The following NAB1 variants were observed in gnomAD, a reference collection of about 807,000 sequenced individuals.
NAB1 encodes the protein NGFI-A binding protein 1.
Under a neutral mutation model 49.9 loss-of-function variants are expected in NAB1, and 25 were observed. The observed-to-expected ratio is 0.50, with a 90% CI of 0.37 to 0.70. NAB1 has a LOEUF of 0.70. Among genes scored for constraint, NAB1 ranks in the 30% least tolerant of loss-of-function variants. NAB1 has a pLI of 0.00. For synonymous variants in NAB1, 198 were observed against 215.6 expected, an observed-to-expected ratio of 0.92 and a Z score of 0.71; for missense variants, 489 against 575.9, an observed-to-expected ratio of 0.85 and a Z score of 1.54.
Position 190,684,467 on chromosome 2 carries a change from A to AT in NAB1, c.1095+646dup, listed in dbSNP as rs1232642909. 3.3e-5 allele frequency among the ~76,000 whole-genome samples: 5 copies of AT among 152,256 alleles called. No homozygotes were observed. The highest frequency in any genetic ancestry group is 2.1e-4 in the South Asian group (1 of 4,822). On this transcript the variant is annotated intron_variant, in intron 7 of 9. Coordinates refer to ENST00000337386, the MANE Select transcript of NAB1 (RefSeq NM_005966.4). The surrounding 1 kb of genome is among the most constrained non-coding windows in gnomAD (Gnocchi z 4.6). ...TTTTTCATGTTAGGATGAAAAATAC[A>AT]TTTTTTACCTCAGATATGCTTATTT...
intron 5 of NAB1, among the ~76,000 whole-genome samples, chr2:190,672,082 C>T (rs1326017948): frequency 6.6e-6 from 1 of 152,030 alleles, no homozygotes; most frequent in Non-Finnish European, 1.5e-5. Flanking sequence ...GCTCACCTTT[C>T]CTTTAAAGTT....
chr2:190,691,062 A>G lies in NAB1; in HGVS notation c.*729A>G, dbSNP rs529176039. The G allele has an allele frequency of 6.5e-6, 1 of 152,726 alleles. No homozygotes were observed. Among genetic ancestry groups the G allele is most frequent in the South Asian group, 2.1e-4 (1 of 4,830 alleles). 9.5% of individuals were successfully genotyped at this position (152,726 alleles called of 1,614,324 possible). ...TCTTAAACTAGTTGACCTAGATTGTATTAATAGCTACTTAAGATGTTTCAA... is the reference window on the plus strand; with the variant it reads ...TCTTAAACTAGTTGACCTAGATTGTGTTAATAGCTACTTAAGATGTTTCAA... On this transcript the variant is annotated 3_prime_UTR_variant, in exon 10 of 10. Transcript: ENST00000337386. The surrounding 1 kb of genome is among the most constrained non-coding windows in gnomAD (Gnocchi z 4.1).
rs773236295 is a variant in NAB1 at position 190,660,012 on chromosome 2, G to T, written c.819+17G>T. 1.9e-6 allele frequency: 3 copies of T among 1,595,592 alleles called. No individual in the cohort carries two copies. In the South Asian group the frequency reaches 3.4e-5, roughly 18 times the overall value. The stretch of plus-strand genomic sequence containing the variant: ...CTTCATGAGGTACAAAGCCCGCGTT[G>T]TTCCTTCTGTGTGTGTATGTGGCAT... On this transcript the variant is annotated intron_variant, in intron 4 of 9. Transcript: ENST00000337386.
chr2:190,681,748 A>G (rs1193180468), intron 6 of NAB1, among the ~76,000 whole-genome samples: 3 of 152,348 alleles, frequency 2.0e-5, no homozygotes, highest in East Asian at 3.9e-4. Context: ...GATAGATAAA[A>G]TATTTGAAAG....
At position 190,670,554 on chromosome 2, in the gene NAB1, A is replaced by G. The variant is rs1428411869; in HGVS notation, c.953+95A>G. On this transcript the variant is annotated intron_variant, in intron 5 of 9. Transcript: ENST00000337386. The surrounding 1 kb of genome is among the most constrained non-coding windows in gnomAD (Gnocchi z 5.3). ...TGATAGAATATAAGCATTTCTGAAA[A>G]AGTGGAAGTATGATTATTGTTCTAT... 4 of 1,316,010 alleles carry G rather than the reference A, an allele frequency of 3.0e-6. No individual in the cohort carries two copies. The highest frequency in any genetic ancestry group is 4.5e-5 in the Admixed American group (2 of 44,932). The allele number at this position is 1,316,010 out of a possible 1,614,324, so 81.5% of individuals were successfully genotyped here.
rs1693999192 is a variant in NAB1, at chr2:190,657,707, G to C, written c.-19-1451G>C. On this transcript the variant is annotated intron_variant, in intron 3 of 9. Transcript: ENST00000337386. This position sits in a 1 kb window ranked among gnomAD's most constrained non-coding sequence, Gnocchi z 4.4. ...TGGGACTTCCGGTAGTCAGTGCTTA[G>C]AGTGGTAGGGACACCCATTCTCCTG... Among the ~76,000 whole-genome samples the C allele has an allele frequency of 6.6e-6, 1 of 152,168 alleles. No individual in the cohort carries two copies. The highest frequency in any genetic ancestry group is 2.4e-5 in the African/African-American group (1 of 41,416).
In NAB1 at chr2:190,667,706, T is replaced by C. The variant is rs1694594950; in HGVS notation, c.820-2620T>C. On this transcript the variant is annotated intron_variant, in intron 4 of 9. Transcript: ENST00000337386. This position sits in a 1 kb window ranked among gnomAD's most constrained non-coding sequence, Gnocchi z 4.4. ...CAGAACAAATTAATATAAATTACAGTTATAAATTTGGGGAGGAGGATGTTA... is the reference window on the plus strand; with the variant it reads ...CAGAACAAATTAATATAAATTACAGCTATAAATTTGGGGAGGAGGATGTTA... 6.6e-6 allele frequency among the ~76,000 whole-genome samples: 1 copy of C among 152,158 alleles called. No individual in the cohort carries two copies. Among genetic ancestry groups the C allele is most frequent in the Admixed American group, 6.5e-5 (1 of 15,274 alleles).
rs965440620 is a variant in NAB1 at position 190,669,850 on chromosome 2, CTAAG to C, written c.820-474_820-471del. ...TAGTATATGATAACTCTGTTTTTTA[CTAAG>C]TGATTTGATAAATGTTTAAAATCAT... On this transcript the variant is annotated intron_variant, in intron 4 of 9. Coordinates refer to ENST00000337386, the MANE Select transcript of NAB1 (RefSeq NM_005966.4). This position sits in a 1 kb window ranked among gnomAD's most constrained non-coding sequence, Gnocchi z 4.3. 3.5e-4 allele frequency among the ~76,000 whole-genome samples: 53 copies of C among 152,230 alleles called. No individual in the cohort carries two copies. Among genetic ancestry groups the C allele is most frequent in the African/African-American group, 1.3e-3 (52 of 41,544 alleles).
chr2:190,665,318 A>G (rs10171127), intron 4 of NAB1, among the ~76,000 whole-genome samples: 111,543 of 149,224 alleles, frequency 0.75, 42,415 homozygotes, highest in East Asian at 0.92. Flanking sequence ...GCAAGACTCC[A>G]TCTCAAAAAA....
In NAB1 at chr2:190,657,958, G is replaced by A. The variant is rs1431109329; in HGVS notation, c.-19-1200G>A. On this transcript the variant is annotated intron_variant, in intron 3 of 9. Coordinates refer to ENST00000337386, the MANE Select transcript of NAB1 (RefSeq NM_005966.4). This position sits in a 1 kb window ranked among gnomAD's most constrained non-coding sequence, Gnocchi z 4.4. ...CTACAGGGTACTTTTAATCCTAAGGGTGCATTTGATTACAACAAGTTTATT... is the reference window on the plus strand; with the variant it reads ...CTACAGGGTACTTTTAATCCTAAGGATGCATTTGATTACAACAAGTTTATT... Among the ~76,000 whole-genome samples the A allele has an allele frequency of 6.6e-6, 1 of 152,128 alleles. No homozygotes were observed. The highest frequency in any genetic ancestry group is 1.5e-5 in the Non-Finnish European group (1 of 68,042).
At chr2:190,671,218 AC>A (rs201436281) in intron 5 of NAB1, among the ~76,000 whole-genome samples, 1,709 of 152,106 alleles carry the variant, frequency 0.011, 15 homozygotes, top group Non-Finnish European at 0.018. Context: ...CATTCTGAGC[AC>A]CCTTTCCAGC....
Position 190,670,012 on chromosome 2 carries a change from C to T in NAB1, c.820-314C>T, listed in dbSNP as rs1694724178. On this transcript the variant is annotated intron_variant, in intron 4 of 9. Coordinates refer to ENST00000337386, the MANE Select transcript of NAB1 (RefSeq NM_005966.4). This position sits in a 1 kb window ranked among gnomAD's most constrained non-coding sequence, Gnocchi z 5.3. ...CTAATATTTTGGGTTTTTTTATAAGCGAGTTGCAGAATATTTTTTACTTTT... is the reference window on the plus strand; with the variant it reads ...CTAATATTTTGGGTTTTTTTATAAGTGAGTTGCAGAATATTTTTTACTTTT... Among the ~76,000 whole-genome samples the T allele has an allele frequency of 1.3e-5, 2 of 151,812 alleles. No homozygotes were observed. Among genetic ancestry groups the T allele is most frequent in the Non-Finnish European group, 2.9e-5 (2 of 67,974 alleles).
rs925249138 is a variant in NAB1 at position 190,666,318 on chromosome 2, TAAAG to T, written c.820-4003_820-4000del. ...TGGAGATTATAATTTTAACAACCTG[TAAAG>T]AAAGTTTTTTTAGGAATCAGTAAAC... is the stretch of plus-strand genomic sequence containing the variant. On this transcript the variant is annotated intron_variant, in intron 4 of 9. Coordinates refer to ENST00000337386, the MANE Select transcript of NAB1 (RefSeq NM_005966.4). This position sits in a 1 kb window ranked among gnomAD's most constrained non-coding sequence, Gnocchi z 5.6. Among the ~76,000 whole-genome samples, 84 of 152,290 alleles carry T rather than the reference TAAAG, an allele frequency of 5.5e-4. No individual in the cohort carries two copies. Among genetic ancestry groups the T allele is most frequent in the African/African-American group, 1.9e-3 (79 of 41,558 alleles).
In NAB1 at chr2:190,667,646, T is replaced by C. The variant is rs1024305552; in HGVS notation, c.820-2680T>C. 1.3e-5 allele frequency among the ~76,000 whole-genome samples: 2 copies of C among 152,174 alleles called. No homozygotes were observed. The highest frequency in any genetic ancestry group is 2.1e-4 in the South Asian group (1 of 4,820). Reference sequence around the variant, plus strand: ...TAAAATAGGAGACCTGGGTTTATTATTATAACTTGCTGTCAGTGGCCAAAT... The same window carrying C: ...TAAAATAGGAGACCTGGGTTTATTACTATAACTTGCTGTCAGTGGCCAAAT... On this transcript the variant is annotated intron_variant, in intron 4 of 9. Transcript: ENST00000337386. This position sits in a 1 kb window ranked among gnomAD's most constrained non-coding sequence, Gnocchi z 4.4.
At position 190,687,321 on chromosome 2, in the gene NAB1, A is replaced by G; in HGVS notation, c.1375+4A>G. ...GAGGCAAAGTCCCACTCATCAGGTG[A>G]GAACGTGCTATATGATGAGAGGGTA... On this transcript the variant is annotated splice_donor_region_variant and intron_variant, in intron 9 of 9. Transcript: ENST00000337386. 6.6e-7 allele frequency: 1 copy of G among 1,505,526 alleles called. No homozygotes were observed. 93.3% of individuals were successfully genotyped at this position (1,505,526 alleles called of 1,614,324 possible).
In NAB1 at chr2:190,684,351, T is replaced by G. The variant is rs1695502273; in HGVS notation, c.1095+524T>G. Among the ~76,000 whole-genome samples the G allele has an allele frequency of 6.6e-6, 1 of 152,224 alleles. No individual in the cohort carries two copies. Among genetic ancestry groups the G allele is most frequent in the Non-Finnish European group, 1.5e-5 (1 of 68,034 alleles). ...TAAAATGCTTTCTGCAAACATCATC[T>G]TTTAGAAAGCACTGTAAACTTTTAT... On this transcript the variant is annotated intron_variant, in intron 7 of 9. Coordinates refer to ENST00000337386, the MANE Select transcript of NAB1 (RefSeq NM_005966.4). This position sits in a 1 kb window ranked among gnomAD's most constrained non-coding sequence, Gnocchi z 4.6.
rs1693533352 is a variant in NAB1 at position 190,649,501 on chromosome 2, G to A, written c.-334+141G>A. 1 of 152,042 alleles carries A rather than the reference G, an allele frequency of 6.6e-6. No individual in the cohort carries two copies. The highest frequency in any genetic ancestry group is 2.4e-5 in the African/African-American group (1 of 41,384). 9.4% of individuals were successfully genotyped at this position (152,042 alleles called of 1,614,324 possible). A position where few individuals can be genotyped will look rare whatever the true frequency, so the allele number is the denominator to read the frequency against. On this transcript the variant is annotated intron_variant, in intron 1 of 9. Transcript: ENST00000337386. This position sits in a 1 kb window ranked among gnomAD's most constrained non-coding sequence, Gnocchi z 6.1. The stretch of plus-strand genomic sequence containing the variant: ...TTGGGGGCGGTGTCCGGGGGAAGCG[G>A]GCTCCGCGCGGCCGCCGCCGGAAGG...
intron 4 of NAB1, among the ~76,000 whole-genome samples, chr2:190,661,494 T>C (rs1213320747): frequency 6.6e-6 from 1 of 152,206 alleles, no homozygotes; most frequent in Non-Finnish European, 1.5e-5. Flanking sequence ...AAATACAAAG[T>C]TGAGTCGAAA....
At chr2:190,655,410 A>T (rs1043670240) in intron 2 of NAB1, among the ~76,000 whole-genome samples, 2 of 152,224 alleles carry the variant, frequency 1.3e-5, no homozygotes, top group Non-Finnish European at 2.9e-5. Context: ...CATCAAAAGA[A>T]AATTATGGAC....
Sources: gnomAD v4.1 joint callset for allele counts (sites outside exome capture counted in the v4.1 genomes callset) on GRCh38, gnomAD v4.1.1 for gene constraint, Gnocchi (gnomAD v3.1) non-coding constraint, MANE v1.5 for transcripts, NCBI Gene and HGNC (gene_info 2026-07-23, HGNC 2026-07-21) for gene names.